MBD5: variants seen among roughly 807,000 people sequenced by gnomAD.
The protein encoded by MBD5 is methyl-CpG-binding domain protein 5.
Under a neutral mutation model 117.3 loss-of-function variants are expected in MBD5, and 13 were observed. The ratio of observed to expected loss-of-function variants is 0.11; its 90% CI spans 0.07 to 0.18. The LOEUF is 0.18. Among genes scored for constraint, MBD5 ranks in the 10% least tolerant of loss-of-function variants. MBD5 has a pLI of 1.00. For missense variants in MBD5, 1,879 were observed against 2,093.8 expected (o/e 0.90, Z 2.00); for synonymous variants, 727 against 766.4 (o/e 0.95, Z 0.85).
intron 1 of MBD5, among the ~76,000 whole-genome samples, chr2:148,029,014 T>C (rs904668329): frequency 6.6e-6 from 1 of 152,108 alleles, no homozygotes; most frequent in African/African-American, 2.4e-5. Flanking sequence ...GAGCCAGACA[T>C]CTAACTGTTT....
Position 148,483,327 on chromosome 2 carries a change from C to G in MBD5, c.2736C>G (p.His912Gln). Residue 912 changes from histidine (H) to glutamine (Q), a missense_variant, in exon 9 of 14, where the codon CAC becomes CAG. This residue lies in a region of MBD5 where 1,666 missense variants were observed against 1,792.2 expected (regional missense o/e 0.93). Transcript: ENST00000642680. ...GCACTTCAAACAACCATCTTCCACA[C>G]CCCTTGAACCCCAGCCTCCTCAGTT... is the stretch of plus-strand genomic sequence containing the variant. ...SNSTSNNHLP[H>Q]PLNPSLLSSL... 6.2e-7 allele frequency: 1 copy of G among 1,614,106 alleles called. No homozygotes were observed. Among genetic ancestry groups the G allele is most frequent in the Non-Finnish European group, 8.5e-7 (1 of 1,179,996 alleles).
rs543586117 is a variant in MBD5, at chr2:148,299,403, C to A, written c.-679-42811C>A. On this transcript the variant is annotated intron_variant, in intron 3 of 13. Coordinates refer to ENST00000642680, the MANE Select transcript of MBD5 (RefSeq NM_001378120.1). Reference sequence around the variant, plus strand: ...TCAGCCTCCCAAACTGCTGGGATTACAGGAATGAGCCACCATGCCTGGCCT... The same window carrying A: ...TCAGCCTCCCAAACTGCTGGGATTAAAGGAATGAGCCACCATGCCTGGCCT... Among the ~76,000 whole-genome samples, 4 of 150,638 alleles carry A rather than the reference C, an allele frequency of 2.7e-5. No individual in the cohort carries two copies. In the East Asian group the frequency reaches 7.9e-4, roughly 30 times the overall value.
In MBD5 at chr2:148,489,626, G is replaced by A; in HGVS notation, c.3994G>A (p.Gly1332Arg). ...YKAVVDAASK[G>R]MQVVITTAVN... Reference sequence around the variant, plus strand: ...AGCAGTTGTCGATGCAGCCAGCAAAGGAATGCAGGTTGTCATCACCACTGC... The same window carrying A: ...AGCAGTTGTCGATGCAGCCAGCAAAAGAATGCAGGTTGTCATCACCACTGC... The change falls in exon 11 of 14, where the codon GGA becomes AGA. Residue 1332 changes from glycine (G) to arginine (R), a missense_variant. By Grantham distance (125) the Gly-to-Arg change is moderately radical. Coordinates refer to ENST00000642680, the MANE Select transcript of MBD5 (RefSeq NM_001378120.1). 1 of 1,614,164 alleles carries A rather than the reference G, an allele frequency of 6.2e-7. No individual in the cohort carries two copies. Among genetic ancestry groups the A allele is most frequent in the Non-Finnish European group, 8.5e-7 (1 of 1,180,028 alleles).
At chr2:148,380,680 G>T (rs959711698) in intron 4 of MBD5, among the ~76,000 whole-genome samples, 1 of 152,116 alleles carries the variant, frequency 6.6e-6, no homozygotes. Flanking sequence ...CTCCTCAAGT[G>T]GGTCCCTGAC....
At chr2:148,511,387 C>T (rs923406396) in intron 13 of MBD5, among the ~76,000 whole-genome samples, 1 of 152,180 alleles carries the variant, frequency 6.6e-6, no homozygotes, top group South Asian at 2.1e-4. Context: ...GGCTCTGCCT[C>T]GGGACATTTG....
At chr2:148,074,484 G>GGTTTTTTTTTGT (rs1695441485) in intron 1 of MBD5, among the ~76,000 whole-genome samples, 14 of 123,144 alleles carry the variant, frequency 1.1e-4, no homozygotes, top group East Asian at 4.6e-4. Context: ...GGAATAGTTT[G>GGTTTTTTTTTGT]TTTTTTTTTT....
chr2:148,427,771 C>A (rs188429233), intron 4 of MBD5, among the ~76,000 whole-genome samples: 1 of 150,966 alleles, frequency 6.6e-6, no homozygotes, highest in Non-Finnish European at 1.5e-5. Flanking sequence ...CAGATGTACC[C>A]TAAAACTTAA....
chr2:148,130,486 T>C (rs1010562139), intron 1 of MBD5, among the ~76,000 whole-genome samples: 1 of 151,906 alleles, frequency 6.6e-6, no homozygotes, highest in African/African-American at 2.4e-5. Context: ...GAAACAAGCA[T>C]GTAGAGAATT....
intron 1 of MBD5, among the ~76,000 whole-genome samples, chr2:148,114,073 A>C (rs13001416): frequency 0.42 from 63,144 of 151,950 alleles, 13,331 homozygotes; most frequent in Middle Eastern, 0.54. Flanking sequence ...ACAGCTTCCC[A>C]TTATTGGTTC....
chr2:148,380,881 A>G lies in MBD5; in HGVS notation c.-557+38545A>G, dbSNP rs562277706. ...ACAGGGTCTGGAGTGGACCTCCAGT[A>G]AACTGCAACAGACCTGCAGCTGAGG... On this transcript the variant is annotated intron_variant, in intron 4 of 13. Transcript: ENST00000642680. 3.3e-5 allele frequency among the ~76,000 whole-genome samples: 5 copies of G among 152,318 alleles called. No individual in the cohort carries two copies. The East Asian group carries it at 7.7e-4, about 24-fold the overall frequency.
At position 148,483,798 on chromosome 2, in the gene MBD5, C is replaced by A. The variant is rs181919984; in HGVS notation, c.3207C>A (p.Asn1069Lys). 1 of 1,550,572 alleles carries A rather than the reference C, an allele frequency of 6.4e-7. No individual in the cohort carries two copies. The highest frequency in any genetic ancestry group is 1.4e-5 in the African/African-American group (1 of 73,154). ...TTGCAGGCAGTGACACTACTTTTAA[C>A]CCCCTGTTCCTCCCAGCTGTCAATG... ...PSFAGSDTTFNPLFLPAVNGA... is the reference protein window; with the variant it reads ...PSFAGSDTTFKPLFLPAVNGA... Residue 1069 changes from asparagine (N) to lysine (K), a missense_variant, in exon 9 of 14, where the codon AAC becomes AAA. Physicochemically the swap from Asn to Lys is moderately conservative, Grantham distance 94. This residue lies in a region of MBD5 where 1,666 missense variants were observed against 1,792.2 expected (regional missense o/e 0.93). Transcript: ENST00000642680.
intron 4 of MBD5, among the ~76,000 whole-genome samples, chr2:148,410,917 G>GC (rs2105175972): frequency 6.6e-6 from 1 of 151,680 alleles, no homozygotes; most frequent in Admixed American, 6.6e-5. Flanking sequence ...TAGGTAAATT[G>GC]CATGTTACAG....
chr2:148,090,886 A>G (rs933204272), intron 1 of MBD5, among the ~76,000 whole-genome samples: 2 of 152,164 alleles, frequency 1.3e-5, no homozygotes, highest in African/African-American at 2.4e-5. Flanking sequence ...GAGGAAGTCA[A>G]ACTATCGCTG....
chr2:148,382,261 T>G (rs1004058644), intron 4 of MBD5, among the ~76,000 whole-genome samples: 1 of 151,514 alleles, frequency 6.6e-6, no homozygotes, highest in Non-Finnish European at 1.5e-5. Context: ...TGGAGGAAGA[T>G]CTACCAAGCA....
chr2:148,314,784 T>G (rs1235890133), intron 3 of MBD5, among the ~76,000 whole-genome samples: 1 of 152,162 alleles, frequency 6.6e-6, no homozygotes, highest in Non-Finnish European at 1.5e-5. Context: ...TCAGTAACTA[T>G]CTCTTACTCA....
chr2:148,134,620 A>C (rs1480221824), intron 1 of MBD5, among the ~76,000 whole-genome samples: 1 of 152,102 alleles, frequency 6.6e-6, no homozygotes, highest in Non-Finnish European at 1.5e-5. Flanking sequence ...CTTCCCCCCA[A>C]ATTAGACCTC....
At chr2:148,443,294 C>A (rs1574428252) in intron 4 of MBD5, among the ~76,000 whole-genome samples, 1 of 151,262 alleles carries the variant, frequency 6.6e-6, no homozygotes, top group East Asian at 1.9e-4. Flanking sequence ...CTGTTGTACA[C>A]TGGAAATGTA....
chr2:148,410,186 C>A (rs975562903), intron 4 of MBD5, among the ~76,000 whole-genome samples: 1 of 152,106 alleles, frequency 6.6e-6, no homozygotes, highest in Non-Finnish European at 1.5e-5. Flanking sequence ...TTTTCCATGT[C>A]TTTGATAAAA....
At chr2:148,321,956 T>C (rs188210529) in intron 3 of MBD5, among the ~76,000 whole-genome samples, 1 of 152,248 alleles carries the variant, frequency 6.6e-6, no homozygotes, top group African/African-American at 2.4e-5. Context: ...ATTAAACTAT[T>C]CCTTGTTTGG....
Sources: gnomAD v4.1 joint callset for allele counts (sites outside exome capture counted in the v4.1 genomes callset) on GRCh38, gnomAD v4.1.1 for gene constraint, gnomAD v4.1.1 regional missense constraint, MANE v1.5 for transcripts, NCBI Gene and HGNC (gene_info 2026-07-23, HGNC 2026-07-21) for gene names.